ACTN2: variants seen among roughly 807,000 people sequenced by gnomAD.
The protein encoded by ACTN2 is actinin alpha 2, also known as alpha-actinin-2.
ACTN2 carries 39 observed loss-of-function variants against 113.8 expected under a neutral mutation model. That is an observed-to-expected ratio of 0.34 (90% CI 0.27 to 0.45). ACTN2 has a LOEUF of 0.45. ACTN2 is among the 20% of genes least tolerant of loss of function. The probability of loss-of-function intolerance (pLI) is 1.00; values close to 1 mark genes in which losing one functional copy is unlikely to be tolerated. For missense variants in ACTN2, 992 were observed against 1,177.9 expected, an observed-to-expected ratio of 0.84 and a Z score of 2.31; for synonymous variants, 429 against 444.1, an observed-to-expected ratio of 0.97 and a Z score of 0.43.
chr1:236,708,083 G>A (rs1657889375), intron 1 of ACTN2, among the ~76,000 whole-genome samples: 1 of 151,976 alleles, frequency 6.6e-6, no homozygotes, highest in African/African-American at 2.4e-5. Flanking sequence ...TAGACACTAA[G>A]CAGGTCACGA....
chr1:236,719,278 T>TA (rs1658312695), intron 3 of ACTN2, among the ~76,000 whole-genome samples: 1 of 152,220 alleles, frequency 6.6e-6, no homozygotes, highest in Non-Finnish European at 1.5e-5. Flanking sequence ...AGAAAGAACT[T>TA]ACACATCCCA....
chr1:236,753,750 A>C, intron 15 of ACTN2, 197 bp from the exon 16 acceptor site: 1 of 688,258 alleles, frequency 1.5e-6, no homozygotes, highest in Non-Finnish European at 2.6e-6. Context: ...AGTCAAAGCT[A>C]AATCAAGCTC....
chr1:236,686,874 G>T, intron 1 of ACTN2, 75 bp downstream of exon 1: 1 of 1,295,706 alleles, frequency 7.7e-7, no homozygotes, highest in Non-Finnish European at 9.8e-7. Flanking sequence ...GCGTGGCCGC[G>T]TGGCCTGGCG....
chr1:236,715,327 C>G (rs1211162441), intron 1 of ACTN2, among the ~76,000 whole-genome samples: 3 of 118,310 alleles, frequency 2.5e-5, no homozygotes, highest in East Asian at 2.9e-4. Flanking sequence ...CCTGTTACCA[C>G]TTGAAGTTTT....
chr1:236,742,764 G>A (rs1274286253), intron 10 of ACTN2, 132 bp from the exon 11 acceptor site: 1 of 1,122,404 alleles, frequency 8.9e-7, no homozygotes, highest in Non-Finnish European at 1.3e-6. Flanking sequence ...TGGGGGGTAA[G>A]GAAGGAAAAG....
chr1:236,762,987 G>T lies in ACTN2; in HGVS notation c.*368G>T. 2 of 311,208 alleles carry T rather than the reference G, an allele frequency of 6.4e-6. No individual in the cohort carries two copies. The highest frequency in any genetic ancestry group is 2.9e-5 in the South Asian group (1 of 34,458). The allele number at this position is 311,208 out of a possible 1,614,324, so 19.3% of individuals were successfully genotyped here. On this transcript the variant is annotated 3_prime_UTR_variant, in exon 21 of 21. Coordinates refer to ENST00000366578, the MANE Select transcript of ACTN2 (RefSeq NM_001103.4). ...AAATACCCAAGATTTAAGACCGGGG[G>T]GAAAAAACCACAAATTGGTAAATAA...
chr1:236,713,584 A>G (rs819724), intron 1 of ACTN2, among the ~76,000 whole-genome samples: 30,548 of 151,744 alleles, frequency 0.2, 3,813 homozygotes, highest in African/African-American at 0.35. Flanking sequence ...GGGAAAAAAA[A>G]GACGTGTGTC....
intron 19 of ACTN2, 32 bp from the exon 20 acceptor site, chr1:236,760,983 C>T (rs751329161): frequency 2.4e-5 from 39 of 1,613,394 alleles, no homozygotes; most frequent in East Asian, 1.8e-4. Context: ...GTGTACCGTT[C>T]GTGTACATGT....
chr1:236,741,737 G>A (rs938676636), intron 10 of ACTN2, among the ~76,000 whole-genome samples: 7 of 152,146 alleles, frequency 4.6e-5, no homozygotes, highest in Admixed American at 2.6e-4. Context: ...CTGCTGACCG[G>A]TTCTTCTTTT....
chr1:236,723,709 G>A (rs537184731), intron 4 of ACTN2, among the ~76,000 whole-genome samples: 40 of 152,022 alleles, frequency 2.6e-4, no homozygotes, highest in Admixed American at 2.5e-3. Context: ...CACCAGCCTC[G>A]GCCTCCCAAA....
At chr1:236,727,534 C>T (rs1489708492) in intron 5 of ACTN2, 144 bp from the exon 6 acceptor site, 22 of 780,538 alleles carry the variant, frequency 2.8e-5, no homozygotes, top group Middle Eastern at 2.4e-4. Flanking sequence ...TCAAGCTCAC[C>T]GGGCGGGGTA....
At chr1:236,725,665 C>T (rs560974292) in intron 4 of ACTN2, among the ~76,000 whole-genome samples, 7 of 152,118 alleles carry the variant, frequency 4.6e-5, no homozygotes, top group South Asian at 4.2e-4. Flanking sequence ...TAAAAAGGGG[C>T]GAGTCACCAA....
At chr1:236,735,794 T>C in intron 8 of ACTN2, 74 bp downstream of exon 8, 1 of 1,263,786 alleles carries the variant, frequency 7.9e-7, no homozygotes, top group Non-Finnish European at 1.2e-6. Flanking sequence ...TACTTGAGTG[T>C]GTGTTTGTGC....
chr1:236,749,456 A>C (rs987482056), intron 14 of ACTN2, among the ~76,000 whole-genome samples, 192 bp downstream of exon 14: 1 of 152,194 alleles, frequency 6.6e-6, no homozygotes, highest in Non-Finnish European at 1.5e-5. Flanking sequence ...ACCCGTTAAA[A>C]TCAATCAAGT....
intron 7 of ACTN2, among the ~76,000 whole-genome samples, chr1:236,732,721 ACATAAGC>A (rs1407729297): frequency 1.3e-5 from 2 of 152,090 alleles, no homozygotes; most frequent in African/African-American, 4.8e-5. Flanking sequence ...CGGATTACAG[ACATAAGC>A]CACTGTGCCT....
intron 1 of ACTN2, among the ~76,000 whole-genome samples, chr1:236,698,307 G>A (rs1657577784): frequency 6.6e-6 from 1 of 151,666 alleles, no homozygotes; most frequent in African/African-American, 2.4e-5. Context: ...TTAAGGAAAT[G>A]AATTATTGTT....
chr1:236,723,189 G>A (rs989314918), intron 4 of ACTN2, among the ~76,000 whole-genome samples: 6 of 152,176 alleles, frequency 3.9e-5, no homozygotes, highest in Non-Finnish European at 8.8e-5. Flanking sequence ...TCTTCCTGAT[G>A]TACTTCTTCT....
In ACTN2 at chr1:236,754,053, T is replaced by C. The variant is rs150825710; in HGVS notation, c.1946T>C (p.Ile649Thr). The change falls in exon 16 of 21, where the codon ATT becomes ACT. Residue 649 changes from isoleucine (I) to threonine (T), a missense_variant. Ile to Thr is a moderately conservative substitution (Grantham distance 89). Around this residue, in one of 3 missense-constraint regions of ACTN2, gnomAD observed 736 missense variants for 815.4 expected, o/e 0.90. Coordinates refer to ENST00000366578, the MANE Select transcript of ACTN2 (RefSeq NM_001103.4). This position sits in a 1 kb window ranked among gnomAD's most constrained non-coding sequence, Gnocchi z 4.9. ...RRQFAAQANA[I>T]GPWIQNKMEE... ...CAGTTTGCTGCCCAAGCCAATGCCA[T>C]TGGGCCCTGGATCCAGAACAAGATG... 6 of 1,614,010 alleles carry C rather than the reference T, an allele frequency of 3.7e-6. No individual in the cohort carries two copies. Among genetic ancestry groups the C allele is most frequent in the African/African-American group, 2.7e-5 (2 of 74,950 alleles).
intron 1 of ACTN2, among the ~76,000 whole-genome samples, chr1:236,705,269 T>C (rs970974086): frequency 6.6e-6 from 1 of 152,140 alleles, no homozygotes; most frequent in Admixed American, 6.6e-5. Flanking sequence ...ATGAATATTT[T>C]AGCTTATTGG....
Sources: allele counts gnomAD v4.1 joint callset (sites outside exome capture counted in the v4.1 genomes callset), GRCh38; gene constraint gnomAD v4.1.1; regional missense constraint gnomAD v4.1.1; non-coding constraint Gnocchi (gnomAD v3.1); transcripts MANE v1.5; gene names NCBI Gene and HGNC (gene_info 2026-07-23, HGNC 2026-07-21).